The following TYRO3 variants were observed in gnomAD, a reference collection of about 807,000 sequenced individuals.
The protein encoded by TYRO3 is TYRO3 protein tyrosine kinase, also known as tyrosine-protein kinase receptor TYRO3.
Under a neutral mutation model 95.2 loss-of-function variants are expected in TYRO3, and 38 were observed. That is an observed-to-expected ratio of 0.40 (90% confidence interval 0.31 to 0.52). The LOEUF is 0.52. TYRO3 is among the 20% of genes least tolerant of loss of function. The pLI is 0.56. For synonymous variants in TYRO3, 367 were observed against 432.9 expected, an observed-to-expected ratio of 0.85 and a Z score of 1.89; for missense variants, 812 against 1,116.4, an observed-to-expected ratio of 0.73 and a Z score of 3.89.
At chr15:41,575,987 C>T (rs1332481411) in intron 18 of TYRO3, among the ~76,000 whole-genome samples, 1 of 151,220 alleles carries the variant, frequency 6.6e-6, no homozygotes, top group East Asian at 2.0e-4. Context: ...GCCTGTAATG[C>T]CAGCTACTTG....
chr15:41,573,651 T>G (rs757356661), intron 17 of TYRO3, 28 bp from the exon 18 acceptor site: 2 of 1,410,418 alleles, frequency 1.4e-6, no homozygotes, highest in Non-Finnish European at 9.6e-7. Flanking sequence ...TAGTGACAGC[T>G]TCTCCCCCAA....
intron 18 of TYRO3, 75 bp from the exon 19 acceptor site, chr15:41,577,811 A>G (rs2055878515): frequency 1.5e-6 from 2 of 1,378,670 alleles, no homozygotes; most frequent in East Asian, 2.3e-5. Context: ...TTAAAACCCT[A>G]GTGCCATATG....
intron 18 of TYRO3, chr15:41,574,716 A>G: frequency 2.2e-6 from 1 of 454,984 alleles, no homozygotes; most frequent in African/African-American, 2.0e-5. Context: ...ACCTTTTGTG[A>G]GTATTTTTTG....
Position 41,573,297 on chromosome 15 carries a change from G to A in TYRO3, c.1986-11G>A. 3 of 1,368,682 alleles carry A rather than the reference G, an allele frequency of 2.2e-6. No homozygotes were observed. Among genetic ancestry groups the A allele is most frequent in the Non-Finnish European group, 2.0e-6 (2 of 985,688 alleles). The allele number at this position is 1,368,682 out of a possible 1,614,324, so 84.8% of individuals were successfully genotyped here. On this transcript the variant is annotated splice_polypyrimidine_tract_variant and intron_variant, in intron 16 of 18. Transcript: ENST00000263798. ...CAGAAGGCTGACTCTCTCCCTCAAT[G>A]CCCCTTGTAGGCTGGCAGAGGACAT... is the stretch of plus-strand genomic sequence containing the variant.
rs1046134368 is a variant in TYRO3, at chr15:41,571,220, G to C, written c.1660+102G>C. 10 of 1,125,040 alleles carry C rather than the reference G, an allele frequency of 8.9e-6. No homozygotes were observed. The East Asian group carries it at 2.4e-4, about 26-fold the overall frequency. 69.7% of individuals were successfully genotyped at this position (1,125,040 alleles called of 1,614,324 possible). On this transcript the variant is annotated intron_variant, in intron 13 of 18. Transcript: ENST00000263798. Reference sequence around the variant, plus strand: ...GCTTTGCCCCTAGATTTTCCAAGAAGAGCTGGGCAGCACTAACTGGGATGC... The same window carrying C: ...GCTTTGCCCCTAGATTTTCCAAGAACAGCTGGGCAGCACTAACTGGGATGC...
chr15:41,580,917 A>G lies in TYRO3; in HGVS notation c.*2641A>G, dbSNP rs1595508603. 6.6e-6 allele frequency: 1 copy of G among 151,874 alleles called. No individual in the cohort carries two copies. Among genetic ancestry groups the G allele is most frequent in the Non-Finnish European group, 1.5e-5 (1 of 67,974 alleles). 9.4% of individuals were successfully genotyped at this position (151,874 alleles called of 1,614,324 possible). A position where few individuals can be genotyped will look rare whatever the true frequency, so the allele number is the denominator to read the frequency against. ...AAAGTGCTGTGATAACAGGGGTGAG[A>G]CACCATACCCAGCTTGTAATCCCAG... On this transcript the variant is annotated 3_prime_UTR_variant, in exon 19 of 19. Transcript: ENST00000263798.
At chr15:41,564,932 G>A in intron 5 of TYRO3, 94 bp from the exon 6 acceptor site, 2 of 811,922 alleles carry the variant, frequency 2.5e-6, no homozygotes, top group East Asian at 2.7e-5. Context: ...GGGATGCCCT[G>A]GACCCTCAGA....
chr15:41,572,848 C>T (rs543787957), intron 15 of TYRO3, among the ~76,000 whole-genome samples, 154 bp from the exon 16 acceptor site: 1 of 152,178 alleles, frequency 6.6e-6, no homozygotes, highest in Admixed American at 6.5e-5. Flanking sequence ...TTAGGCTAGC[C>T]GAAGCTTCCT....
intron 18 of TYRO3, 87 bp downstream of exon 18, chr15:41,573,902 C>T (rs2055832348): frequency 2.3e-6 from 3 of 1,283,184 alleles, no homozygotes; most frequent in African/African-American, 1.6e-5. Flanking sequence ...CTCAACTGGA[C>T]CTTTGTTTTT....
At position 41,568,253 on chromosome 15, in the gene TYRO3, G is replaced by A. The variant is rs1338476882; in HGVS notation, c.998G>A (p.Arg333His). Residue 333 changes from arginine to histidine, a missense_variant, in exon 8 of 19, where the codon CGC becomes CAC. By Grantham distance (29) the Arg-to-His change is conservative. Coordinates refer to ENST00000263798, the MANE Select transcript of TYRO3 (RefSeq NM_006293.4). ...GCTCCCCAAAACCTCCATGCCATCC[G>A]CACAGATTCAGGCCTCATCTTGGAG... ...ASAPQNLHAI[R>H]TDSGLILEWE... 1.9e-5 allele frequency: 30 copies of A among 1,613,072 alleles called. No homozygotes were observed. Among genetic ancestry groups the A allele is most frequent in the Middle Eastern group, 1.9e-4 (1 of 5,308 alleles).
rs1022523858 is a variant in TYRO3, at chr15:41,565,611, A to G, written c.783+470A>G. ...TTTTTTTTTTTTTTGTATTTTTAGTAGAGACTAGTAGTTCACCATATTAGC... is the reference window on the plus strand; with the variant it reads ...TTTTTTTTTTTTTTGTATTTTTAGTGGAGACTAGTAGTTCACCATATTAGC... On this transcript the variant is annotated intron_variant, in intron 6 of 18. Transcript: ENST00000263798. Among the ~76,000 whole-genome samples the G allele has an allele frequency of 2.2e-5, 3 of 138,702 alleles. 1 individual carries two copies. 91.0% of individuals were successfully genotyped at this position (138,702 alleles called of 152,430 possible).
rs1823120842 is a variant in TYRO3, at chr15:41,571,135, T to C, written c.1660+17T>C. On this transcript the variant is annotated intron_variant, in intron 13 of 18. Coordinates refer to ENST00000263798, the MANE Select transcript of TYRO3 (RefSeq NM_006293.4). ...TGCTGAAAGGTGAGTGGGGGATAGC[T>C]GTAGCCTGAGGGCATCACTTGGAAG... 6.8e-7 allele frequency: 1 copy of C among 1,473,526 alleles called. No homozygotes were observed. The highest frequency in any genetic ancestry group is 9.5e-7 in the Non-Finnish European group (1 of 1,050,548). 91.3% of individuals were successfully genotyped at this position (1,473,526 alleles called of 1,614,324 possible).
At chr15:41,562,321 C>T (rs1240328623) in intron 3 of TYRO3, 29 of 256,052 alleles carry the variant, frequency 1.1e-4, no homozygotes, top group African/African-American at 2.0e-4. Context: ...GACCTCCCCG[C>T]GACCAATCTC....
intron 3 of TYRO3, chr15:41,562,304 A>C: frequency 2.9e-6 from 1 of 344,638 alleles, no homozygotes. Context: ...CCTGGGCAAC[A>C]TAGAGAGACC....
intron 15 of TYRO3, 59 bp from the exon 16 acceptor site, chr15:41,572,943 C>T (rs566167709): frequency 1.7e-6 from 2 of 1,162,844 alleles, no homozygotes; most frequent in South Asian, 1.4e-5. Flanking sequence ...GGACCCCCAT[C>T]CATCCTGCCC....
intron 2 of TYRO3, 55 bp downstream of exon 2, chr15:41,561,365 T>C: frequency 1.3e-6 from 2 of 1,592,290 alleles, no homozygotes; most frequent in Non-Finnish European, 1.7e-6. Context: ...GGCTATGCTC[T>C]TTCCTTGGGG....
intron 18 of TYRO3, among the ~76,000 whole-genome samples, chr15:41,576,910 A>C (rs925680768): frequency 2.0e-5 from 3 of 151,430 alleles, no homozygotes; most frequent in Non-Finnish European, 2.9e-5. Context: ...AGGATCTTTT[A>C]GCCTCAGCCT....
chr15:41,576,849 A>C (rs2055867488), intron 18 of TYRO3, among the ~76,000 whole-genome samples: 1 of 150,742 alleles, frequency 6.6e-6, no homozygotes, highest in Admixed American at 6.6e-5. Flanking sequence ...TTTTTAATAG[A>C]GACATGGTCT....
rs2055750643 is a variant in TYRO3 at position 41,568,316 on chromosome 15, C to T, written c.1061C>T (p.Pro354Leu). ...EVIPEAPLEGPLGPYKLSWVQ... is the reference protein window; with the variant it reads ...EVIPEAPLEGLLGPYKLSWVQ... ...ATCCCCGAGGCCCCTTTGGAAGGCC[C>T]CCTGGGACCCTACAAACTGTCCTGG... is the stretch of plus-strand genomic sequence containing the variant. Residue 354 changes from proline to leucine, a missense_variant, in exon 8 of 19, where the codon CCC becomes CTC. Pro to Leu is a moderately conservative substitution (Grantham distance 98, BLOSUM62 -3). Transcript: ENST00000263798. 1 of 1,614,066 alleles carries T rather than the reference C, an allele frequency of 6.2e-7. No homozygotes were observed. Among genetic ancestry groups the T allele is most frequent in the Non-Finnish European group, 8.5e-7 (1 of 1,179,992 alleles).
Sources: gnomAD v4.1 joint callset for allele counts (sites outside exome capture counted in the v4.1 genomes callset) on GRCh38, gnomAD v4.1.1 for gene constraint, MANE v1.5 for transcripts, NCBI Gene and HGNC (gene_info 2026-07-23, HGNC 2026-07-21) for gene names.